The following A2M variants were observed in gnomAD, a reference collection of about 807,000 sequenced individuals.
A2M encodes alpha-2-macroglobulin, also known as C3 and PZP-like alpha-2-macroglobulin domain-containing protein 5.
In A2M, 128 loss-of-function variants were observed where a neutral mutation model predicts 183.9. That is an observed-to-expected ratio of 0.70 (90% CI 0.60 to 0.81). A2M has a LOEUF of 0.81. Ranked by LOEUF, A2M falls within the 30% of genes least tolerant of loss-of-function variation. The pLI, the probability that A2M is intolerant of heterozygous loss-of-function variation, is 0.00. For missense variants in A2M, 1,495 were observed against 1,787.6 expected (o/e 0.84, Z 2.95); for synonymous variants, 592 against 670.8 (o/e 0.88, Z 1.81).
At position 9,099,241 on chromosome 12, in the gene A2M, ACT is replaced by A. The variant is rs558338985; in HGVS notation, c.1701+138_1701+139del. The A allele has an allele frequency of 2.7e-3, 2,022 of 757,870 alleles. 9 individuals are homozygous for A. Among genetic ancestry groups the A allele is most frequent in the Non-Finnish European group, 3.3e-3 (1,527 of 457,374 alleles). 46.9% of individuals were successfully genotyped at this position (757,870 alleles called of 1,614,324 possible). A position where few individuals can be genotyped will look rare whatever the true frequency, so the allele number is the denominator to read the frequency against. On this transcript the variant is annotated intron_variant, in intron 14 of 35. Transcript: ENST00000318602. Reference sequence around the variant, plus strand: ...TCAAGTGATTCTGCTTCTTAGTGTGACTCTGCCACTACCTTGCTGAATGTCTC... The same window carrying A: ...TCAAGTGATTCTGCTTCTTAGTGTGACTGCCACTACCTTGCTGAATGTCTC...
chr12:9,095,537 A>C lies in A2M; in HGVS notation c.2013+2T>G, dbSNP rs762482332. 6.2e-7 allele frequency: 1 copy of C among 1,609,410 alleles called. No individual in the cohort carries two copies. The highest frequency in any genetic ancestry group is 8.5e-7 in the Non-Finnish European group (1 of 1,176,848). On this transcript the variant is annotated splice_donor_variant, in intron 16 of 35. Coordinates refer to ENST00000318602, the MANE Select transcript of A2M (RefSeq NM_000014.6). LOFTEE classifies it high-confidence loss of function. ...AGACCATCTGCAACATAAGGAGTTT[A>C]CCTCTAGGAAGCTGTACATATCCTT... is the stretch of plus-strand genomic sequence containing the variant.
At chr12:9,070,444 A>T (rs560715481) in intron 32 of A2M, 44 bp downstream of exon 32, 9 of 1,286,220 alleles carry the variant, frequency 7.0e-6, no homozygotes, top group Non-Finnish European at 1.0e-5. Flanking sequence ...GGATACATAC[A>T]TCATTAAATA....
In A2M at chr12:9,072,797, C is replaced by G; in HGVS notation, c.3831G>C (p.Gln1277His). Residue 1277 changes from glutamine to histidine, a missense_variant, in exon 30 of 36, where the codon CAG (glutamine) becomes CAC (histidine). Gln to His is a conservative substitution (Grantham distance 24). Coordinates refer to ENST00000318602, the MANE Select transcript of A2M (RefSeq NM_000014.6). ...ATGTCCCTGAAGACTGGATAGTCAC[C>G]TGTGCAGCCTTCCCAGTCCTGGTAA... ...ATFTRTGKAAQVTIQSSGTFS... is the reference protein window; with the variant it reads ...ATFTRTGKAAHVTIQSSGTFS... 1 of 1,614,174 alleles carries G rather than the reference C, an allele frequency of 6.2e-7. No homozygotes were observed. The highest frequency in any genetic ancestry group is 8.5e-7 in the Non-Finnish European group (1 of 1,180,030).
Position 9,113,374 on chromosome 12 carries a change from A to G in A2M, c.256T>C (p.Cys86Arg), listed in dbSNP as rs1938891726. The G allele has an allele frequency of 1.9e-6, 3 of 1,613,564 alleles. No individual in the cohort carries two copies. The highest frequency in any genetic ancestry group is 2.5e-6 in the Non-Finnish European group (3 of 1,179,864). Residue 86 changes from cysteine (C) to arginine (R), a missense_variant, in exon 2 of 36, where the codon TGT becomes CGT. Physicochemically the swap from Cys to Arg is radical, Grantham distance 180. Coordinates refer to ENST00000318602, the MANE Select transcript of A2M (RefSeq NM_000014.6). Reference sequence around the variant, plus strand: ...GCCACACTCACAGCGAAGGCGACACAGTGGAGTACGTCATTCTCCGCCTCC... The same window carrying G: ...GCCACACTCACAGCGAAGGCGACACGGTGGAGTACGTCATTCTCCGCCTCC... The part of the protein sequence containing the change: ...DLEAENDVLH[C>R]VAFAVPKSSS...
At chr12:9,093,206 A>G (rs1165934832) in intron 18 of A2M, among the ~76,000 whole-genome samples, 2 of 152,230 alleles carry the variant, frequency 1.3e-5, no homozygotes, top group African/African-American at 4.8e-5. Context: ...TGTATTGGAT[A>G]CTGAAACTTG....
chr12:9,105,994 A>G (rs908161546), intron 10 of A2M, among the ~76,000 whole-genome samples: 1 of 152,198 alleles, frequency 6.6e-6, no homozygotes, highest in Non-Finnish European at 1.5e-5. Flanking sequence ...GGAAAACTCT[A>G]CTAATTTTAA....
chr12:9,079,662 T>G lies in A2M; in HGVS notation c.3008A>C (p.Lys1003Thr), dbSNP rs776483113. The change falls in exon 24 of 36, where the codon AAG becomes ACG. Residue 1003 changes from lysine (K) to threonine (T), a missense_variant. Physicochemically the swap from Lys to Thr is moderately conservative, Grantham distance 78. Transcript: ENST00000318602. ...ACCAGTGTTGAGATAGCCAATGGCC[T>G]TGGACTTGATCTCTGGAGTAAGCTG... ...TQQLTPEIKSKAIGYLNTGYQ... is the reference protein window; with the variant it reads ...TQQLTPEIKSTAIGYLNTGYQ... 38 of 1,613,472 alleles carry G rather than the reference T, an allele frequency of 2.4e-5. No individual in the cohort carries two copies. The African/African-American group carries it at 4.7e-4, about 20-fold the overall frequency.
rs139338232 is a variant in A2M at position 9,099,985 on chromosome 12, G to A, written c.1559-462C>T. Among the ~76,000 whole-genome samples, 477 of 152,334 alleles carry A rather than the reference G, an allele frequency of 3.1e-3. 5 individuals carry two copies. The highest frequency in any genetic ancestry group is 0.011 in the African/African-American group (458 of 41,570). On this transcript the variant is annotated intron_variant, in intron 13 of 35. Transcript: ENST00000318602. Reference sequence around the variant, plus strand: ...TGCCTATGTAGATTCTTTAGAGGTTGCATTAAGTTTCCTTCAGTCTGCTAT... The same window carrying A: ...TGCCTATGTAGATTCTTTAGAGGTTACATTAAGTTTCCTTCAGTCTGCTAT...
chr12:9,089,028 T>A (rs966379689), intron 22 of A2M, among the ~76,000 whole-genome samples, 172 bp downstream of exon 22: 1 of 152,226 alleles, frequency 6.6e-6, no homozygotes, highest in Non-Finnish European at 1.5e-5. Context: ...CCTAGGGATA[T>A]TCTGATCAAA....
chr12:9,108,775 C>T (rs950498960), intron 7 of A2M, among the ~76,000 whole-genome samples: 10 of 152,028 alleles, frequency 6.6e-5, no homozygotes, highest in East Asian at 3.9e-4. Flanking sequence ...TCAGTCTCTT[C>T]GTAAAAATGT....
chr12:9,099,550 G>T, intron 13 of A2M, 27 bp from the exon 14 acceptor site: 2 of 1,577,340 alleles, frequency 1.3e-6, no homozygotes, highest in Admixed American at 1.8e-5. Flanking sequence ...ATGAGAGGAA[G>T]CCATCATAGG....
chr12:9,077,369 G>A lies in A2M; in HGVS notation c.3328C>T (p.Leu1110=), dbSNP rs1486660235. The A allele has an allele frequency of 2.5e-6, 4 of 1,613,536 alleles. No homozygotes were observed. The African/African-American group carries it at 4.0e-5, about 16-fold the overall frequency. The part of the protein sequence containing the change: ...TLSAYITIAL[L]EIPLTVTHPV... The stretch of plus-strand genomic sequence containing the variant: ...ACAGTGACTGTGAGAGGAATCTCCA[G>A]AAGGGCGATGGTGATATAGGCGGAG... Residue 1110 remains leucine, a synonymous_variant, in exon 27 of 36, where the codon CTG becomes TTG. Coordinates refer to ENST00000318602, the MANE Select transcript of A2M (RefSeq NM_000014.6).
intron 11 of A2M, 84 bp downstream of exon 11, chr12:9,104,155 C>G (rs1268764463): frequency 6.5e-6 from 9 of 1,379,632 alleles, no homozygotes; most frequent in Non-Finnish European, 6.9e-6. Flanking sequence ...GAACTAGACA[C>G]AGTTTGGAAA....
intron 17 of A2M, 82 bp downstream of exon 17, chr12:9,094,891 T>C: frequency 1.5e-6 from 1 of 688,876 alleles, no homozygotes; most frequent in Non-Finnish European, 2.2e-6. Context: ...TGTTTGTTAA[T>C]TTTTGTCACA....
chr12:9,094,853 T>C (rs372248867), intron 17 of A2M, 120 bp downstream of exon 17: 23 of 481,020 alleles, frequency 4.8e-5, no homozygotes, highest in East Asian at 4.7e-4. Context: ...AGCAATAACC[T>C]TAATATGTAT....
In A2M at chr12:9,106,480, A is replaced by T. The variant is rs58537365; in HGVS notation, c.994+11T>A. 2.0e-3 allele frequency: 3,045 copies of T among 1,538,102 alleles called. 47 individuals are homozygous for T. In the African/African-American group the frequency reaches 0.035, roughly 18 times the overall value. Reference sequence around the variant, plus strand: ...GTTGTGTTTTCTCTTATACCCATGTAGTACACAAACCTGTTCCTTCTTCTT... The same window carrying T: ...GTTGTGTTTTCTCTTATACCCATGTTGTACACAAACCTGTTCCTTCTTCTT... On this transcript the variant is annotated intron_variant, in intron 9 of 35. Coordinates refer to ENST00000318602, the MANE Select transcript of A2M (RefSeq NM_000014.6).
chr12:9,105,556 T>G (rs955514707), intron 10 of A2M, among the ~76,000 whole-genome samples: 4 of 152,196 alleles, frequency 2.6e-5, no homozygotes, highest in Non-Finnish European at 5.9e-5. Flanking sequence ...TTGAGGCACA[T>G]GTAACTGTGA....
chr12:9,095,422 C>T, intron 16 of A2M, 117 bp downstream of exon 16: 1 of 984,896 alleles, frequency 1.0e-6, no homozygotes, highest in Non-Finnish European at 1.5e-6. Flanking sequence ...AGCCACTTAC[C>T]TCTTTATATC....
Position 9,093,571 on chromosome 12 carries a change from C to T in A2M, c.2134G>A (p.Val712Ile). Residue 712 changes from valine to isoleucine, a missense_variant, in exon 18 of 36, where the codon GTA (valine) becomes ATA (isoleucine). By Grantham distance (29) the Val-to-Ile change is conservative (BLOSUM62 3). Coordinates refer to ENST00000318602, the MANE Select transcript of A2M (RefSeq NM_000014.6). ...AGGCGTGCATGGCCTCTTCCCATTA[C>T]ATCTGACTCTATGGTGAGTGAGGAA... is the stretch of plus-strand genomic sequence containing the variant. ...GLRVGFYESD[V>I]MGRGHARLVH... The T allele has an allele frequency of 6.3e-7, 1 of 1,589,952 alleles. No homozygotes were observed. Among genetic ancestry groups the T allele is most frequent in the Non-Finnish European group, 8.6e-7 (1 of 1,167,694 alleles).
Sources: gnomAD v4.1 joint callset for allele counts (sites outside exome capture counted in the v4.1 genomes callset) on GRCh38, gnomAD v4.1.1 for gene constraint, MANE v1.5 for transcripts, NCBI Gene and HGNC (gene_info 2026-07-23, HGNC 2026-07-21) for gene names.